The following MRPS28 variants were observed in gnomAD, a reference collection of about 807,000 sequenced individuals.
The protein encoded by MRPS28 is mitochondrial ribosomal protein S28.
A neutral mutation model predicts 10.8 loss-of-function variants in MRPS28; 7 were observed. The observed-to-expected ratio is 0.65, with a 90% CI of 0.37 to 1.22. The LOEUF is 1.22. Among genes scored for constraint, MRPS28 ranks in the 50% most tolerant of loss-of-function variants. MRPS28 has a pLI of 0.02. For synonymous variants in MRPS28, 121 were observed against 93.3 expected (o/e 1.30, Z -1.71); for missense variants, 265 against 232.9 (o/e 1.14, Z -0.90).
intron 2 of MRPS28, among the ~76,000 whole-genome samples, chr8:79,966,702 GAATT>G (rs1807511611): frequency 6.6e-6 from 1 of 152,064 alleles, no homozygotes; most frequent in South Asian, 2.1e-4. Flanking sequence ...TAATTCTTGT[GAATT>G]AATTTATTTA....
At chr8:79,974,654 C>T (rs1364234661) in intron 2 of MRPS28, among the ~76,000 whole-genome samples, 1 of 151,692 alleles carries the variant, frequency 6.6e-6, no homozygotes, top group Non-Finnish European at 1.5e-5. Context: ...TATTCTATTT[C>T]ATATTTTTAA....
chr8:79,949,466 C>T (rs114950169), intron 2 of MRPS28, among the ~76,000 whole-genome samples: 35 of 150,816 alleles, frequency 2.3e-4, no homozygotes, highest in African/African-American at 7.3e-4. Flanking sequence ...TGCTTTTGGG[C>T]GAAGCCTAGT....
intron 2 of MRPS28, among the ~76,000 whole-genome samples, chr8:79,930,449 A>G (rs1806432861): frequency 6.6e-6 from 1 of 152,252 alleles, no homozygotes; most frequent in Admixed American, 6.5e-5. Context: ...AGAAGATTTT[A>G]GTAAATATGT....
At chr8:79,979,453 C>G (rs1807892009) in intron 2 of MRPS28, among the ~76,000 whole-genome samples, 1 of 152,048 alleles carries the variant, frequency 6.6e-6, no homozygotes, top group African/African-American at 2.4e-5. Flanking sequence ...AAACTGAAGT[C>G]TGGCAGCTTT....
chr8:79,950,203 T>C (rs1434373457), intron 2 of MRPS28, among the ~76,000 whole-genome samples: 2 of 152,174 alleles, frequency 1.3e-5, no homozygotes, highest in Non-Finnish European at 2.9e-5. Context: ...ATAAAACAAA[T>C]GCTTAACTAA....
At chr8:79,941,673 T>C (rs1806775821) in intron 2 of MRPS28, among the ~76,000 whole-genome samples, 1 of 152,204 alleles carries the variant, frequency 6.6e-6, no homozygotes, top group East Asian at 1.9e-4. Flanking sequence ...TTAGCTAGCA[T>C]GAACTAATGA....
At chr8:79,943,204 A>C (rs998780257) in intron 2 of MRPS28, among the ~76,000 whole-genome samples, 1 of 152,248 alleles carries the variant, frequency 6.6e-6, no homozygotes, top group Non-Finnish European at 1.5e-5. Context: ...ATGAAAGAAG[A>C]GTGCTAAAAG....
intron 2 of MRPS28, among the ~76,000 whole-genome samples, chr8:79,987,869 C>T (rs977924278): frequency 2.6e-5 from 4 of 152,292 alleles, no homozygotes; most frequent in Admixed American, 2.6e-4. Context: ...TGTGGCGATT[C>T]CTCAGGGATC....
At chr8:80,004,570 T>G (rs1335919548) in intron 1 of MRPS28, among the ~76,000 whole-genome samples, 1 of 152,080 alleles carries the variant, frequency 6.6e-6, no homozygotes. Context: ...ATTCTAAAAA[T>G]CAGAGTGCCT....
At chr8:79,946,028 A>C (rs2129950205) in intron 2 of MRPS28, among the ~76,000 whole-genome samples, 1 of 152,306 alleles carries the variant, frequency 6.6e-6, no homozygotes, top group Non-Finnish European at 1.5e-5. Context: ...AATCCAAAAA[A>C]AACTAACATA....
At chr8:80,004,018 C>T (rs1808748268) in intron 1 of MRPS28, among the ~76,000 whole-genome samples, 1 of 152,224 alleles carries the variant, frequency 6.6e-6, no homozygotes, top group South Asian at 2.1e-4. Flanking sequence ...CCCACCAAAG[C>T]TCAAGGAGGC....
intron 2 of MRPS28, among the ~76,000 whole-genome samples, chr8:79,963,291 C>T (rs541860926): frequency 6.6e-6 from 1 of 151,990 alleles, no homozygotes; most frequent in African/African-American, 2.4e-5. Context: ...GTCTTCTTAG[C>T]CTACTATGTA....
chr8:80,007,482 G>T (rs1177062624), intron 1 of MRPS28, among the ~76,000 whole-genome samples: 1 of 152,154 alleles, frequency 6.6e-6, no homozygotes, highest in Admixed American at 6.5e-5. Context: ...AAGTCAAACT[G>T]TCCCTGTTTG....
intron 2 of MRPS28, among the ~76,000 whole-genome samples, chr8:79,992,046 G>C (rs1239202054): frequency 6.6e-6 from 1 of 151,748 alleles, no homozygotes; most frequent in Non-Finnish European, 1.5e-5. Flanking sequence ...AGGAACTGAG[G>C]CCTCCTGCCA....
intron 2 of MRPS28, among the ~76,000 whole-genome samples, chr8:79,966,973 A>T (rs115372094): frequency 0.015 from 2,218 of 152,284 alleles, 65 homozygotes; most frequent in African/African-American, 0.051. Flanking sequence ...CCCAATTCAC[A>T]TATCATTTTT....
At chr8:80,011,940 TA>T (rs1405825529) in intron 1 of MRPS28, among the ~76,000 whole-genome samples, 2 of 152,222 alleles carry the variant, frequency 1.3e-5, no homozygotes, top group African/African-American at 4.8e-5. Flanking sequence ...AAGATTAGTA[TA>T]ATAGTAAGTG....
intron 2 of MRPS28, among the ~76,000 whole-genome samples, chr8:79,994,521 A>G (rs1808450214): frequency 6.6e-6 from 1 of 152,032 alleles, no homozygotes. Context: ...ACCAACCACA[A>G]CTATTCAGTC....
At chr8:79,958,308 G>A (rs1283338161) in intron 2 of MRPS28, 2 of 672,848 alleles carry the variant, frequency 3.0e-6, no homozygotes, top group African/African-American at 1.8e-5. Context: ...ATGTTTTCAG[G>A]GTTCATCCAT....
At chr8:79,923,843 C>T (rs1810160286) in intron 2 of MRPS28, among the ~76,000 whole-genome samples, 1 of 152,114 alleles carries the variant, frequency 6.6e-6, no homozygotes, top group South Asian at 2.1e-4. Context: ...GACTGCATGT[C>T]TGAGCTGTAT....
Sources: gnomAD v4.1 joint callset for allele counts (sites outside exome capture counted in the v4.1 genomes callset) on GRCh38, gnomAD v4.1.1 for gene constraint, MANE v1.5 for transcripts, NCBI Gene and HGNC (gene_info 2026-07-23, HGNC 2026-07-21) for gene names.